Variants in EVC2 observed in about 807,000 individuals in gnomAD.
EVC2 encodes limbin.
Under a neutral mutation model 149.3 loss-of-function variants are expected in EVC2, and 148 were observed. That is an observed-to-expected ratio of 0.99 (90% confidence interval 0.87 to 1.14). EVC2 has a LOEUF of 1.14. Ranked by LOEUF, EVC2 falls within the 50% of genes most tolerant of loss-of-function variation. The pLI is 0.00. For synonymous variants in EVC2, 776 were observed against 649.9 expected, an observed-to-expected ratio of 1.19 and a Z score of -2.95; for missense variants, 1,854 against 1,627.3, an observed-to-expected ratio of 1.14 and a Z score of -2.40.
chr4:5,625,836 CT>C lies in EVC2; in HGVS notation c.1958del (p.Lys653SerfsTer8). Reference protein sequence around the residue: ...ERAQTEVFSIKQKLDNDLKQE... With the variant: ...ERAQTEVFSIXQKLDNDLKQE... ...GCTTTAAGTCATTGTCCAACTTCTG[CT>C]TGATTGAAAAGACTTCTGTCTGAGC... On this transcript the variant is annotated frameshift_variant, in exon 13 of 22. Coordinates refer to ENST00000344408, the MANE Select transcript of EVC2 (RefSeq NM_147127.5). LOFTEE classifies it high-confidence loss of function. This position sits in a 1 kb window ranked among gnomAD's most constrained non-coding sequence, Gnocchi z 4.0. 4 of 1,614,012 alleles carry C rather than the reference CT, an allele frequency of 2.5e-6. No homozygotes were observed. The highest frequency in any genetic ancestry group is 3.4e-6 in the Non-Finnish European group (4 of 1,179,990).
intron 14 of EVC2, among the ~76,000 whole-genome samples, chr4:5,621,790 G>C (rs965976527): frequency 1.3e-5 from 2 of 152,170 alleles, no homozygotes; most frequent in Non-Finnish European, 2.9e-5. Flanking sequence ...CGGGAGGATT[G>C]CCTAAGCCCA....
Position 5,708,425 on chromosome 4 carries a change from C to T in EVC2, c.89G>A (p.Cys30Tyr). 1 of 1,503,824 alleles carries T rather than the reference C, an allele frequency of 6.6e-7. No homozygotes were observed. Among genetic ancestry groups the T allele is most frequent in the Non-Finnish European group, 8.8e-7 (1 of 1,133,706 alleles). 93.2% of individuals were successfully genotyped at this position (1,503,824 alleles called of 1,614,324 possible). A position where few individuals can be genotyped will look rare whatever the true frequency, so the allele number is the denominator to read the frequency against. ...GCGGGGACGTGAGCTGGCGCCGAGA[C>T]AGCCTCGGCCCCCCAGCGCCAGGGC... ...AVALALGGRG[C>Y]LGASSRPRWR... The change falls in exon 1 of 22, where the codon TGT becomes TAT. Residue 30 changes from cysteine to tyrosine, a missense_variant. By Grantham distance (194) the Cys-to-Tyr change is radical. Coordinates refer to ENST00000344408, the MANE Select transcript of EVC2 (RefSeq NM_147127.5).
intron 21 of EVC2, among the ~76,000 whole-genome samples, chr4:5,553,696 T>G (rs774997203): frequency 7.9e-5 from 12 of 152,276 alleles, no homozygotes; most frequent in Middle Eastern, 3.4e-3. Flanking sequence ...TTTAAATGGG[T>G]GAACTCTAGA....
chr4:5,539,776 A>AAC (rs55685347), downstream of EVC2, among the ~76,000 whole-genome samples: 3,065 of 150,356 alleles, frequency 0.02, 32 homozygotes, highest in Non-Finnish European at 0.025. Flanking sequence ...ATACTACAAA[A>AAC]ACACACACAC....
At chr4:5,632,079 G>T (rs777506554) in intron 10 of EVC2, 47 bp from the exon 11 acceptor site, 3 of 1,610,196 alleles carry the variant, frequency 1.9e-6, no homozygotes, top group African/African-American at 2.7e-5. Flanking sequence ...CACTGAACAT[G>T]CACCTACATG....
At chr4:5,703,276 T>C (rs994632957) in intron 1 of EVC2, among the ~76,000 whole-genome samples, 4 of 152,214 alleles carry the variant, frequency 2.6e-5, no homozygotes, top group Admixed American at 6.5e-5. Context: ...CTTGTTACTG[T>C]TCTTATCATC....
At chr4:5,663,897 G>C (rs1490696764) in intron 8 of EVC2, among the ~76,000 whole-genome samples, 1 of 152,010 alleles carries the variant, frequency 6.6e-6, no homozygotes, top group Non-Finnish European at 1.5e-5. Context: ...CTCCATCCTG[G>C]GAGACAGAGT....
At position 5,640,467 on chromosome 4, in the gene EVC2, C is replaced by T. The variant is rs1473004352; in HGVS notation, c.1470+47G>A. 6.2e-7 allele frequency: 1 copy of T among 1,610,572 alleles called. No homozygotes were observed. Among genetic ancestry groups the T allele is most frequent in the Admixed American group, 1.7e-5 (1 of 60,006 alleles). ...GTGGGTAGATGGATAAATGACAAAT[C>T]CCTGAGAGAAAGGGAAGTGAACGCC... On this transcript the variant is annotated intron_variant, in intron 10 of 21. Coordinates refer to ENST00000344408, the MANE Select transcript of EVC2 (RefSeq NM_147127.5). This position sits in a 1 kb window ranked among gnomAD's most constrained non-coding sequence, Gnocchi z 4.6.
intron 9 of EVC2, among the ~76,000 whole-genome samples, chr4:5,648,293 G>A (rs913204375): frequency 6.6e-6 from 1 of 152,180 alleles, no homozygotes; most frequent in African/African-American, 2.4e-5. Context: ...ATCGGAGTTT[G>A]ACCTCCAGAA....
intron 11 of EVC2, among the ~76,000 whole-genome samples, chr4:5,630,292 C>T (rs1369031831): frequency 2.0e-4 from 31 of 152,244 alleles, no homozygotes; most frequent in Non-Finnish European, 1.5e-5. Context: ...CTGCAGGTCC[C>T]CAGAGGATGG....
intron 12 of EVC2, among the ~76,000 whole-genome samples, chr4:5,626,776 G>A (rs1441925990): frequency 6.6e-6 from 1 of 152,160 alleles, no homozygotes; most frequent in African/African-American, 2.4e-5. Flanking sequence ...GAACACAGAG[G>A]CAGAGGAAAG....
the EVC2 span, among the ~76,000 whole-genome samples, chr4:5,534,448 A>T: frequency 6.6e-6 from 1 of 152,186 alleles, no homozygotes; most frequent in Admixed American, 6.5e-5. Context: ...TGTTTCAGTG[A>T]CCATCAAAAG....
In EVC2 at chr4:5,576,913, C is replaced by T. The variant is rs1270363848; in HGVS notation, c.3058-459G>A. On this transcript the variant is annotated intron_variant, in intron 17 of 21. Coordinates refer to ENST00000344408, the MANE Select transcript of EVC2 (RefSeq NM_147127.5). The surrounding 1 kb of genome is among the most constrained non-coding windows in gnomAD (Gnocchi z 4.5). Reference sequence around the variant, plus strand: ...GCTCTTTGAGGGCAGGGCTGTGTCTCCTTCTCCCTGCCTGCAAAGTGCCTG... The same window carrying T: ...GCTCTTTGAGGGCAGGGCTGTGTCTTCTTCTCCCTGCCTGCAAAGTGCCTG... Among the ~76,000 whole-genome samples, 1 of 152,206 alleles carries T rather than the reference C, an allele frequency of 6.6e-6. No homozygotes were observed. Among genetic ancestry groups the T allele is most frequent in the Non-Finnish European group, 1.5e-5 (1 of 68,046 alleles).
At chr4:5,594,213 G>C (rs1227469913) in intron 16 of EVC2, among the ~76,000 whole-genome samples, 2 of 152,188 alleles carry the variant, frequency 1.3e-5, no homozygotes, top group Non-Finnish European at 2.9e-5. Flanking sequence ...GCTTTGAAGA[G>C]ACCAGTGGTT....
At chr4:5,580,544 A>G (rs1711666119) in intron 17 of EVC2, among the ~76,000 whole-genome samples, 1 of 152,240 alleles carries the variant, frequency 6.6e-6, no homozygotes, top group Admixed American at 6.5e-5. Context: ...TTGGGCACTT[A>G]GGATGAGCAG....
chr4:5,558,930 C>T (rs539118584), downstream of EVC2, among the ~76,000 whole-genome samples: 7 of 152,258 alleles, frequency 4.6e-5, no homozygotes, highest in Admixed American at 2.6e-4. Context: ...TGGTGGCTTA[C>T]ACCTGTAATC....
At chr4:5,629,410 C>G (rs1163432990) in intron 11 of EVC2, among the ~76,000 whole-genome samples, 4 of 152,194 alleles carry the variant, frequency 2.6e-5, no homozygotes, top group Admixed American at 2.0e-4. Flanking sequence ...ACTCAGCAGT[C>G]TAATTCCAGG....
At chr4:5,548,195 C>G (rs1303484108) in intron 21 of EVC2, among the ~76,000 whole-genome samples, 2 of 151,918 alleles carry the variant, frequency 1.3e-5, no homozygotes, top group East Asian at 3.9e-4. Flanking sequence ...CACAGCCTGC[C>G]AGGACAAGTG....
intron 10 of EVC2, among the ~76,000 whole-genome samples, chr4:5,639,101 T>A (rs912546659): frequency 2.0e-5 from 3 of 152,050 alleles, no homozygotes; most frequent in African/African-American, 7.3e-5. Context: ...TTTTCTTTAC[T>A]GCTCATCCCC....
Sources: allele counts gnomAD v4.1 joint callset (sites outside exome capture counted in the v4.1 genomes callset), GRCh38; gene constraint gnomAD v4.1.1; non-coding constraint Gnocchi (gnomAD v3.1); transcripts MANE v1.5; gene names NCBI Gene and HGNC (gene_info 2026-07-23, HGNC 2026-07-21).